Variants in TAOK1 observed in about 807,000 individuals in gnomAD.
TAOK1 encodes the protein serine/threonine-protein kinase TAO1.
In TAOK1, 21 loss-of-function variants were observed where a neutral mutation model predicts 138.3. The observed-to-expected ratio is 0.15, with a 90% CI of 0.11 to 0.22. The LOEUF (loss-of-function observed/expected upper bound fraction) is 0.22. TAOK1 is among the 10% of genes least tolerant of loss of function. TAOK1 has a pLI of 1.00. For synonymous variants in TAOK1, 361 were observed against 398.4 expected, an observed-to-expected ratio of 0.91 and a Z score of 1.12; for missense variants, 651 against 1,227.7, an observed-to-expected ratio of 0.53 and a Z score of 7.02.
chr17:29,489,755 A>G lies in TAOK1; in HGVS notation c.747A>G (p.Glu249=), dbSNP rs1197131858. The G allele has an allele frequency of 3.8e-6, 6 of 1,588,462 alleles. No individual in the cohort carries two copies. In the African/African-American group the frequency reaches 4.1e-5, roughly 11 times the overall value. Residue 249 remains glutamate, a splice_region_variant and synonymous_variant, in exon 9 of 20, where the codon GAA becomes GAG. Coordinates refer to ENST00000261716, the MANE Select transcript of TAOK1 (RefSeq NM_020791.4). ...QNESPTLQSN[E]WSDYFRNFVD... is the part of the protein sequence containing the mutation. ...AATCCCCTACACTACAGTCTAATGA[A>G]TGGTGAGTATTGTTAATATATATAT...
At chr17:29,415,253 G>A (rs1018729145) in intron 1 of TAOK1, among the ~76,000 whole-genome samples, 4 of 152,178 alleles carry the variant, frequency 2.6e-5, no homozygotes. Flanking sequence ...CAGGCGGTGA[G>A]CCACCGCGCC....
intron 18 of TAOK1, among the ~76,000 whole-genome samples, chr17:29,531,985 C>T (rs990434901): frequency 6.6e-6 from 1 of 151,830 alleles, no homozygotes; most frequent in Non-Finnish European, 1.5e-5. Flanking sequence ...CTCAGCCTCC[C>T]GAATAGCTGA....
intron 13 of TAOK1, among the ~76,000 whole-genome samples, chr17:29,505,104 A>G (rs1027218162): frequency 2.0e-5 from 3 of 152,232 alleles, no homozygotes; most frequent in Admixed American, 1.3e-4. Flanking sequence ...TTTTAAAGCC[A>G]GTAGTTTCAT....
intron 1 of TAOK1, among the ~76,000 whole-genome samples, chr17:29,397,468 T>G (rs942474944): frequency 5.3e-5 from 8 of 151,466 alleles, no homozygotes; most frequent in African/African-American, 1.9e-4. Context: ...CCGGGCATGG[T>G]GGCGCGCACC....
chr17:29,397,672 T>TATATTCATGTATG (rs1904677541), intron 1 of TAOK1, among the ~76,000 whole-genome samples: 34 of 59,608 alleles, frequency 5.7e-4, no homozygotes, highest in African/African-American at 1.3e-3. Context: ...ATGATACATG[T>TATATTCATGTATG]ATACATGTAT....
chr17:29,420,874 G>C (rs1174719256), intron 1 of TAOK1, among the ~76,000 whole-genome samples: 21 of 148,988 alleles, frequency 1.4e-4, no homozygotes, highest in Admixed American at 1.4e-3. Context: ...GAGCCACCGC[G>C]CCCAGCCGGA....
chr17:29,485,207 T>C (rs8077774), intron 8 of TAOK1, among the ~76,000 whole-genome samples: 1,996 of 152,338 alleles, frequency 0.013, 44 homozygotes, highest in African/African-American at 0.045. Context: ...ATGAAAATTC[T>C]TAGTTTGTTA....
At chr17:29,422,849 C>T (rs926559444) in intron 1 of TAOK1, among the ~76,000 whole-genome samples, 1 of 152,060 alleles carries the variant, frequency 6.6e-6, no homozygotes, top group Admixed American at 6.6e-5. Flanking sequence ...CATAGTGAAA[C>T]CCCCGTCTCT....
chr17:29,478,180 C>A, intron 5 of TAOK1, 71 bp from the exon 6 acceptor site: 2 of 1,074,806 alleles, frequency 1.9e-6, no homozygotes, highest in South Asian at 1.8e-5. Flanking sequence ...TAAAAATTGC[C>A]CCATGTATTA....
At chr17:29,406,886 C>T (rs1036204592) in intron 1 of TAOK1, among the ~76,000 whole-genome samples, 2 of 152,066 alleles carry the variant, frequency 1.3e-5, no homozygotes, top group African/African-American at 2.4e-5. Context: ...TTTTTTAAAA[C>T]TGTTTGAGGT....
At chr17:29,522,220 A>T in intron 16 of TAOK1, 60 bp from the exon 17 acceptor site, 1 of 1,576,138 alleles carries the variant, frequency 6.3e-7, no homozygotes, top group Non-Finnish European at 8.6e-7. Context: ...GTTAATTAGG[A>T]CTTTTTTCTG....
intron 1 of TAOK1, among the ~76,000 whole-genome samples, chr17:29,430,390 AT>A (rs1297494858): frequency 1.3e-5 from 2 of 152,312 alleles, no homozygotes; most frequent in Admixed American, 1.3e-4. Context: ...CCAGAGGCTG[AT>A]GTGAAGTTAC....
chr17:29,533,322 T>C (rs1025106933), intron 18 of TAOK1, among the ~76,000 whole-genome samples: 18 of 143,912 alleles, frequency 1.3e-4, no homozygotes, highest in Non-Finnish European at 2.4e-4. Flanking sequence ...CTAGATGGGA[T>C]GGCGGCCGGG....
chr17:29,524,576 T>C (rs1005120982), intron 17 of TAOK1, among the ~76,000 whole-genome samples: 7 of 152,216 alleles, frequency 4.6e-5, no homozygotes, highest in Non-Finnish European at 1.0e-4. Flanking sequence ...AGCTCAAGGT[T>C]TCCTGTTAGG....
At chr17:29,394,498 G>A (rs527499507) in intron 1 of TAOK1, among the ~76,000 whole-genome samples, 22 of 152,076 alleles carry the variant, frequency 1.4e-4, no homozygotes, top group Non-Finnish European at 2.6e-4. Flanking sequence ...TGAATATTTA[G>A]TAAATCCAGA....
chr17:29,482,557 G>C (rs2031085782), intron 8 of TAOK1, among the ~76,000 whole-genome samples: 1 of 151,960 alleles, frequency 6.6e-6, no homozygotes, highest in Non-Finnish European at 1.5e-5. Context: ...TAACATTAAT[G>C]AGTATTTGTT....
At chr17:29,487,146 T>A (rs897446094) in intron 8 of TAOK1, among the ~76,000 whole-genome samples, 3 of 147,062 alleles carry the variant, frequency 2.0e-5, no homozygotes, top group Non-Finnish European at 3.0e-5. Context: ...CTCAGGAGGC[T>A]GAGGTAGGAT....
chr17:29,544,948 C>T lies in TAOK1; in HGVS notation c.*1926C>T, dbSNP rs1188953845. 6.6e-6 allele frequency: 1 copy of T among 152,200 alleles called. No homozygotes were observed. The highest frequency in any genetic ancestry group is 1.5e-5 in the Non-Finnish European group (1 of 68,042). 9.4% of individuals were successfully genotyped at this position (152,200 alleles called of 1,614,324 possible). A position where few individuals can be genotyped will look rare whatever the true frequency, so the allele number is the denominator to read the frequency against. ...TCTCAACCAAATTTTAAGTCTTTCC[C>T]AGGTATGTCAGTCGAGTTGCCATGA... is the stretch of plus-strand genomic sequence containing the variant. On this transcript the variant is annotated 3_prime_UTR_variant, in exon 20 of 20. Transcript: ENST00000261716.
intron 2 of TAOK1, among the ~76,000 whole-genome samples, chr17:29,456,152 A>C (rs1379571930): frequency 1.3e-5 from 2 of 150,322 alleles, no homozygotes; most frequent in African/African-American, 2.5e-5. Context: ...GTTCGAGACC[A>C]GCCTGGACAA....
Sources: allele counts gnomAD v4.1 joint callset (sites outside exome capture counted in the v4.1 genomes callset), GRCh38; gene constraint gnomAD v4.1.1; transcripts MANE v1.5; gene names NCBI Gene and HGNC (gene_info 2026-07-23, HGNC 2026-07-21).